The following CACNA2D3 variants were observed in gnomAD, a reference collection of about 807,000 sequenced individuals.
CACNA2D3 encodes the protein voltage-dependent calcium channel subunit alpha-2/delta-3.
In CACNA2D3, 60 loss-of-function variants were observed where a neutral mutation model predicts 160.6. That is an observed-to-expected ratio of 0.37 (90% CI 0.30 to 0.46). The LOEUF (loss-of-function observed/expected upper bound fraction) is 0.46, where lower values mean the gene tolerates loss of function less well. Ranked by LOEUF, CACNA2D3 falls within the 20% of genes least tolerant of loss-of-function variation. The pLI, the probability that CACNA2D3 is intolerant of heterozygous loss-of-function variation, is 1.00. For missense variants in CACNA2D3, 1,205 were observed against 1,365.0 expected (o/e 0.88, Z 1.85); for synonymous variants, 558 against 492.9 (o/e 1.13, Z -1.75).
At chr3:54,208,777 G>C (rs1466604879) in intron 2 of CACNA2D3, among the ~76,000 whole-genome samples, 3 of 151,964 alleles carry the variant, frequency 2.0e-5, no homozygotes, top group Admixed American at 1.3e-4. Flanking sequence ...AATGTATTTG[G>C]TGTTGAGAAT....
chr3:54,407,883 T>G (rs1366081427), intron 4 of CACNA2D3, among the ~76,000 whole-genome samples: 1 of 152,176 alleles, frequency 6.6e-6, no homozygotes, highest in Non-Finnish European at 1.5e-5. Context: ...CTGCTGTGGC[T>G]TCTTTGCTCA....
At chr3:54,181,108 G>A (rs1318005247) in intron 2 of CACNA2D3, among the ~76,000 whole-genome samples, 1 of 152,202 alleles carries the variant, frequency 6.6e-6, no homozygotes, top group African/African-American at 2.4e-5. Flanking sequence ...GACACTGAGA[G>A]TATTCACCCT....
chr3:54,527,201 C>T (rs975236947), intron 5 of CACNA2D3, among the ~76,000 whole-genome samples: 3 of 152,194 alleles, frequency 2.0e-5, no homozygotes, highest in African/African-American at 4.8e-5. Context: ...GATTATATCT[C>T]CAATGAATCT....
In CACNA2D3 at chr3:54,434,590, T is replaced by C. The variant is rs370677883; in HGVS notation, c.381+47816T>C. 1.5e-3 allele frequency among the ~76,000 whole-genome samples: 230 copies of C among 152,328 alleles called. 4 individuals carry two copies. The South Asian group carries it at 0.046, about 30-fold the overall frequency. On this transcript the variant is annotated intron_variant, in intron 4 of 37. Transcript: ENST00000474759. ...ATTTGCATCAGAGGTGAGTCTTAGG[T>C]GCTGCCATCTGATGCGCAGGCAGCT...
rs574783968 is a variant in CACNA2D3, at chr3:54,687,608, C to G, written c.1167+45367C>G. On this transcript the variant is annotated intron_variant, in intron 11 of 37. Coordinates refer to ENST00000474759, the MANE Select transcript of CACNA2D3 (RefSeq NM_018398.3). ...AGACTATCTAAACCAAAAGGAATCA[C>G]TTGGGTTCAGCTATTTCAGTAAAGG... Among the ~76,000 whole-genome samples the G allele has an allele frequency of 1.2e-4, 18 of 152,258 alleles. No homozygotes were observed. The South Asian group carries it at 3.7e-3, about 32-fold the overall frequency.
At chr3:54,462,558 T>C (rs2106847114) in intron 4 of CACNA2D3, among the ~76,000 whole-genome samples, 1 of 152,306 alleles carries the variant, frequency 6.6e-6, no homozygotes, top group South Asian at 2.1e-4. Context: ...TTGATCTTTG[T>C]TGGTTTAAAG....
chr3:55,045,176 G>A (rs1351442798), intron 35 of CACNA2D3, among the ~76,000 whole-genome samples: 5 of 152,146 alleles, frequency 3.3e-5, no homozygotes, highest in Admixed American at 6.5e-5. Context: ...AGCCTCCCAA[G>A]TAGCTGTGAT....
intron 14 of CACNA2D3, among the ~76,000 whole-genome samples, chr3:54,820,386 C>T (rs1289423544): frequency 6.6e-6 from 1 of 152,068 alleles, no homozygotes; most frequent in Non-Finnish European, 1.5e-5. Flanking sequence ...TTTTGAGGGT[C>T]TTCCAAAACT....
intron 35 of CACNA2D3, among the ~76,000 whole-genome samples, chr3:55,024,668 A>G (rs537838617): frequency 1.5e-3 from 226 of 152,268 alleles, no homozygotes; most frequent in African/African-American, 5.2e-3. Flanking sequence ...TGAGCAATAA[A>G]TTTCCGTTGT....
At position 54,163,999 on chromosome 3, in the gene CACNA2D3, C is replaced by CT. The variant is rs1700400400; in HGVS notation, c.204+40406dup. On this transcript the variant is annotated intron_variant, in intron 2 of 37. Transcript: ENST00000474759. Reference sequence around the variant, plus strand: ...GGGCTAAGCAGCCCACTGCAGGTACCTAATGCAACCAGGAAGGTCAGGGAA... The same window carrying CT: ...GGGCTAAGCAGCCCACTGCAGGTACCTTAATGCAACCAGGAAGGTCAGGGAA... Among the ~76,000 whole-genome samples, 6 of 152,310 alleles carry CT rather than the reference C, an allele frequency of 3.9e-5. No homozygotes were observed. In the South Asian group the frequency reaches 1.2e-3, roughly 32 times the overall value.
chr3:54,926,252 ATATT>A (rs1429611862), intron 27 of CACNA2D3, among the ~76,000 whole-genome samples: 2 of 152,184 alleles, frequency 1.3e-5, no homozygotes, highest in African/African-American at 2.4e-5. Context: ...ATAAATATGT[ATATT>A]AATTAATCCT....
chr3:54,303,818 G>GTTTT (rs71617795), intron 2 of CACNA2D3, among the ~76,000 whole-genome samples: 54 of 114,984 alleles, frequency 4.7e-4, no homozygotes, highest in Non-Finnish European at 5.5e-4. Context: ...CTTTTTTTCT[G>GTTTT]TTTTTTTTTT....
At chr3:54,453,582 T>C (rs1700346513) in intron 4 of CACNA2D3, among the ~76,000 whole-genome samples, 1 of 152,142 alleles carries the variant, frequency 6.6e-6, no homozygotes. Flanking sequence ...CTGTTTTGGC[T>C]CTCATAAGTG....
chr3:54,640,340 T>A (rs908840968), intron 10 of CACNA2D3, among the ~76,000 whole-genome samples: 1 of 152,242 alleles, frequency 6.6e-6, no homozygotes, highest in Non-Finnish European at 1.5e-5. Context: ...AGGTTTTTAC[T>A]TACTGAAGGT....
intron 5 of CACNA2D3, 68 bp from the exon 6 acceptor site, chr3:54,562,732 G>A (rs1702347167): frequency 7.2e-7 from 1 of 1,386,382 alleles, no homozygotes; most frequent in Non-Finnish European, 1.0e-6. Context: ...CAAGCAGCGT[G>A]GGATGCCAGG....
intron 16 of CACNA2D3, among the ~76,000 whole-genome samples, chr3:54,840,437 C>G (rs1698794209): frequency 9.0e-6 from 1 of 110,580 alleles, no homozygotes; most frequent in Non-Finnish European, 1.7e-5. Context: ...TTGAGATGGA[C>G]TCTCACTCTG....
intron 11 of CACNA2D3, among the ~76,000 whole-genome samples, chr3:54,695,255 C>T (rs747689053): frequency 1.9e-4 from 29 of 152,016 alleles, no homozygotes; most frequent in African/African-American, 5.3e-4. Flanking sequence ...TGACCTCAGG[C>T]GATCCACCTG....
intron 17 of CACNA2D3, among the ~76,000 whole-genome samples, chr3:54,848,129 G>A (rs1005751535): frequency 5.3e-5 from 8 of 152,172 alleles, no homozygotes; most frequent in Admixed American, 5.2e-4. Flanking sequence ...ACAGTGCTTT[G>A]CCAACAAACA....
chr3:54,986,227 T>C (rs1191494434), intron 30 of CACNA2D3, among the ~76,000 whole-genome samples: 1 of 152,126 alleles, frequency 6.6e-6, no homozygotes, highest in African/African-American at 2.4e-5. Flanking sequence ...ATGGAAACAG[T>C]GTCTCTGTTT....
Sources: gnomAD v4.1 joint callset for allele counts (sites outside exome capture counted in the v4.1 genomes callset) on GRCh38, gnomAD v4.1.1 for gene constraint, MANE v1.5 for transcripts, NCBI Gene and HGNC (gene_info 2026-07-23, HGNC 2026-07-21) for gene names.